The following RSRC1 variants were observed in gnomAD, a reference collection of about 807,000 sequenced individuals.
RSRC1 encodes serine/Arginine-related protein 53.
RSRC1 carries 39 observed loss-of-function variants against 49.1 expected under a neutral mutation model. That is an observed-to-expected ratio of 0.79 (90% CI 0.61 to 1.04). The LOEUF (loss-of-function observed/expected upper bound fraction) is 1.04. RSRC1 is among the 50% of genes least tolerant of loss of function. The probability of loss-of-function intolerance (pLI) is 0.00; values close to 1 mark genes in which losing one functional copy is unlikely to be tolerated. For missense variants in RSRC1, 388 were observed against 402.4 expected, an observed-to-expected ratio of 0.96 and a Z score of 0.31; for synonymous variants, 143 against 130.8, an observed-to-expected ratio of 1.09 and a Z score of -0.63.
chr3:158,110,499 TTCGCCGACTCC>T (rs1714305672), intron 1 of RSRC1: 1 of 152,564 alleles, frequency 6.6e-6, no homozygotes, highest in Non-Finnish European at 1.5e-5. Context: ...TGTCGGAGAG[TTCGCCGACTCC>T]TCCCCTCGCC....
chr3:158,161,009 C>T lies in RSRC1; in HGVS notation c.320+37018C>T, dbSNP rs147552844. On this transcript the variant is annotated intron_variant, in intron 3 of 9. Coordinates refer to ENST00000611884, the MANE Select transcript of RSRC1 (RefSeq NM_001271838.2). ...AAACAGTTGTTCTTGTGCTTATTCA[C>T]TGTTGTTCACTAGGTTTACTCTTTT... is the stretch of plus-strand genomic sequence containing the variant. 8.7e-4 allele frequency among the ~76,000 whole-genome samples: 132 copies of T among 152,298 alleles called. 1 individual carries two copies. In the East Asian group the frequency reaches 0.022, roughly 26 times the overall value.
At chr3:158,302,429 A>G (rs1274973498) in intron 5 of RSRC1, among the ~76,000 whole-genome samples, 1 of 152,074 alleles carries the variant, frequency 6.6e-6, no homozygotes, top group Non-Finnish European at 1.5e-5. Flanking sequence ...ACTTAAGAAA[A>G]TAATTTTTTT....
At chr3:158,159,935 G>T (rs889039920) in intron 3 of RSRC1, among the ~76,000 whole-genome samples, 2 of 152,150 alleles carry the variant, frequency 1.3e-5, no homozygotes, top group African/African-American at 4.8e-5. Flanking sequence ...GTGTGTGCGT[G>T]TGTGTGAGTG....
chr3:158,473,505 G>A (rs531808794), intron 7 of RSRC1, among the ~76,000 whole-genome samples: 5 of 152,124 alleles, frequency 3.3e-5, no homozygotes, highest in African/African-American at 1.2e-4. Flanking sequence ...ACACACCGGG[G>A]CCTGTTGTGG....
At chr3:158,531,278 C>T (rs1712385634) in intron 7 of RSRC1, among the ~76,000 whole-genome samples, 1 of 151,820 alleles carries the variant, frequency 6.6e-6, no homozygotes, top group Admixed American at 6.6e-5. Flanking sequence ...ACAAAGTGGA[C>T]ATCAGGCATG....
chr3:158,439,645 C>T (rs915881280), intron 6 of RSRC1, among the ~76,000 whole-genome samples: 1 of 151,956 alleles, frequency 6.6e-6, no homozygotes. Context: ...CGGGGAACAT[C>T]ACACACTGGG....
chr3:158,316,942 A>T (rs1221948617), intron 5 of RSRC1, among the ~76,000 whole-genome samples: 1 of 152,200 alleles, frequency 6.6e-6, no homozygotes, highest in African/African-American at 2.4e-5. Flanking sequence ...TTTAGTGCAA[A>T]TACCTTAGTC....
intron 4 of RSRC1, among the ~76,000 whole-genome samples, chr3:158,291,487 C>A (rs574269778): frequency 3.9e-5 from 6 of 152,098 alleles, no homozygotes; most frequent in Non-Finnish European, 7.4e-5. Context: ...TTTTAGATCT[C>A]TTTTGTTTCT....
At chr3:158,448,458 A>C (rs1394638951) in intron 6 of RSRC1, among the ~76,000 whole-genome samples, 1 of 151,930 alleles carries the variant, frequency 6.6e-6, no homozygotes, top group Non-Finnish European at 1.5e-5. Flanking sequence ...AGATACATAT[A>C]AGCAAAAGGC....
intron 3 of RSRC1, among the ~76,000 whole-genome samples, chr3:158,155,426 AC>A (rs1315018913): frequency 6.6e-6 from 1 of 151,910 alleles, no homozygotes; most frequent in African/African-American, 2.4e-5. Context: ...TTGTCAGTGA[AC>A]TATATTTTAT....
intron 6 of RSRC1, among the ~76,000 whole-genome samples, chr3:158,399,865 T>C (rs1733812866): frequency 6.6e-6 from 1 of 152,168 alleles, no homozygotes; most frequent in South Asian, 2.1e-4. Flanking sequence ...ACATTTCTTT[T>C]CTATGTTACT....
chr3:158,205,087 C>T (rs920701287), intron 4 of RSRC1, among the ~76,000 whole-genome samples: 5 of 152,054 alleles, frequency 3.3e-5, no homozygotes, highest in East Asian at 3.9e-4. Context: ...TTGTATTTGT[C>T]GTTATTTCTT....
rs557628180 is a variant in RSRC1, at chr3:158,528,236, C to T, written c.653-8856C>T. ...AAAGAGCAGTAATTTATGAGCTCAGCGTAAAAGAATAGCATAATTGCATTA... is the reference window on the plus strand; with the variant it reads ...AAAGAGCAGTAATTTATGAGCTCAGTGTAAAAGAATAGCATAATTGCATTA... On this transcript the variant is annotated intron_variant, in intron 7 of 9. Coordinates refer to ENST00000611884, the MANE Select transcript of RSRC1 (RefSeq NM_001271838.2). 9.7e-4 allele frequency among the ~76,000 whole-genome samples: 147 copies of T among 151,836 alleles called. 4 individuals are homozygous for T. The South Asian group carries it at 0.03, about 31-fold the overall frequency.
At chr3:158,224,420 T>A (rs569554699) in intron 4 of RSRC1, among the ~76,000 whole-genome samples, 20 of 151,984 alleles carry the variant, frequency 1.3e-4, no homozygotes, top group African/African-American at 4.8e-4. Flanking sequence ...TATAATAGTG[T>A]TCAATATATT....
At chr3:158,156,049 C>G (rs144568558) in intron 3 of RSRC1, among the ~76,000 whole-genome samples, 118 of 152,298 alleles carry the variant, frequency 7.7e-4, no homozygotes, top group Non-Finnish European at 1.5e-3. Flanking sequence ...CAGATGACAC[C>G]TTCTTCCTAT....
At chr3:158,264,262 G>A (rs1190227201) in intron 4 of RSRC1, among the ~76,000 whole-genome samples, 1 of 151,998 alleles carries the variant, frequency 6.6e-6, no homozygotes, top group Non-Finnish European at 1.5e-5. Flanking sequence ...ATTTTCCTTT[G>A]ATTTGTTCTT....
intron 6 of RSRC1, among the ~76,000 whole-genome samples, chr3:158,390,461 TA>T (rs1733216867): frequency 2.0e-5 from 3 of 152,162 alleles, no homozygotes. Context: ...ATAAATATCT[TA>T]AAATAAAACA....
chr3:158,543,482 C>T lies in RSRC1; in HGVS notation c.907C>T (p.Pro303Ser). Residue 303 changes from proline to serine, a missense_variant, in exon 9 of 10, where the codon CCA becomes TCA. Physicochemically the swap from Pro to Ser is moderately conservative, Grantham distance 74. Coordinates refer to ENST00000611884, the MANE Select transcript of RSRC1 (RefSeq NM_001271838.2). ...KYQDDNSLAH[P>S]NLFIEKADAE... ...CCAAGATGACAATTCCCTGGCCCAT[C>T]CAAATGTAATATCCTTAAACTTTAC... is the stretch of plus-strand genomic sequence containing the variant. 1 of 1,599,824 alleles carries T rather than the reference C, an allele frequency of 6.3e-7. No individual in the cohort carries two copies. Among genetic ancestry groups the T allele is most frequent in the Non-Finnish European group, 8.5e-7 (1 of 1,174,678 alleles).
intron 3 of RSRC1, among the ~76,000 whole-genome samples, chr3:158,147,800 T>TA (rs1363559806): frequency 6.6e-6 from 1 of 152,246 alleles, no homozygotes; most frequent in African/African-American, 2.4e-5. Context: ...ATTCTCATAT[T>TA]ATAATCTGGC....
Sources: allele counts gnomAD v4.1 joint callset (sites outside exome capture counted in the v4.1 genomes callset), GRCh38; gene constraint gnomAD v4.1.1; transcripts MANE v1.5; gene names NCBI Gene and HGNC (gene_info 2026-07-23, HGNC 2026-07-21).